The following ING1 variants were observed in gnomAD, a reference collection of about 807,000 sequenced individuals.
ING1 encodes the protein inhibitor of growth family member 1.
ING1 carries 4 observed loss-of-function variants against 23.1 expected under a neutral mutation model. The ratio of observed to expected loss-of-function variants is 0.17; its 90% confidence interval spans 0.09 to 0.40. ING1 has a LOEUF of 0.40. Among genes scored for constraint, ING1 ranks in the 10% least tolerant of loss-of-function variants. The pLI is 1.00. For synonymous variants in ING1, 179 were observed against 166.4 expected (o/e 1.08, Z -0.58); for missense variants, 256 against 393.8 (o/e 0.65, Z 2.96).
At position 110,714,000 on chromosome 13, in the gene ING1, C is replaced by G. The variant is rs1332919671; in HGVS notation, c.-150C>G. On this transcript the variant is annotated 5_prime_UTR_variant, in exon 1 of 2. Transcript: ENST00000333219. ...ACCCGGAGGCGGCGGACGGGCTCGG[C>G]AGATGTAGCCGCCGGGCCGAAGCAG... 2 of 1,153,658 alleles carry G rather than the reference C, an allele frequency of 1.7e-6. No homozygotes were observed. Among genetic ancestry groups the G allele is most frequent in the Non-Finnish European group, 2.1e-6 (2 of 937,186 alleles). The allele number at this position is 1,153,658 out of a possible 1,614,324, so 71.5% of individuals were successfully genotyped here.
chr13:110,713,445 A>C (rs2064062837), upstream of ING1: 2 of 993,888 alleles, frequency 2.0e-6, no homozygotes, highest in East Asian at 2.2e-4. Context: ...CTCCTAGTAA[A>C]GTTTGCGCCT....
Position 110,713,823 on chromosome 13 carries a change from G to A in ING1, c.-327G>A, listed in dbSNP as rs2064071267. ...AGTGGGCAGCGGCGGCCGCGGCGCT[G>A]GGCCCTCTCCCGCCGGTGTGTGCGC... On this transcript the variant is annotated 5_prime_UTR_variant, in exon 1 of 2. Transcript: ENST00000333219. 3 of 983,352 alleles carry A rather than the reference G, an allele frequency of 3.1e-6. No homozygotes were observed. The Admixed American group carries it at 1.9e-4, about 61-fold the overall frequency. 60.9% of individuals were successfully genotyped at this position (983,352 alleles called of 1,614,324 possible).
upstream of ING1, chr13:110,713,182 G>C (rs1215392734): frequency 7.0e-7 from 1 of 1,424,884 alleles, no homozygotes; most frequent in Non-Finnish European, 9.1e-7. Context: ...TCAAAGTGAT[G>C]TTGGCAAGTA....
upstream of ING1, chr13:110,713,447 T>G: frequency 1.0e-6 from 1 of 993,152 alleles, no homozygotes; most frequent in Non-Finnish European, 1.2e-6. Flanking sequence ...CCTAGTAAAG[T>G]TTGCGCCTCG....
In ING1 at chr13:110,721,352, C is replaced by T. The variant is rs1259206187; in HGVS notation, c.*1420C>T. The stretch of plus-strand genomic sequence containing the variant: ...TCTTGGCTCACCGCAACCTCCGCCT[C>T]CCAGGTTCAAGCGATTGTCCTGCCT... On this transcript the variant is annotated 3_prime_UTR_variant, in exon 2 of 2. Coordinates refer to ENST00000333219, the MANE Select transcript of ING1 (RefSeq NM_198219.3). 6.6e-6 allele frequency: 1 copy of T among 152,268 alleles called. No homozygotes were observed. Among genetic ancestry groups the T allele is most frequent in the African/African-American group, 2.4e-5 (1 of 41,428 alleles). The allele number at this position is 152,268 out of a possible 1,614,324, so 9.4% of individuals were successfully genotyped here.
At position 110,719,542 on chromosome 13, in the gene ING1, A is replaced by C. The variant is rs1189240246; in HGVS notation, c.450A>C (p.Ser150=). The change falls in exon 2 of 2, where the codon TCA becomes TCC. Residue 150 remains serine (S), a synonymous_variant. Transcript: ENST00000333219. This position sits in a 1 kb window ranked among gnomAD's most constrained non-coding sequence, Gnocchi z 8.9. ...CTGACAAGCCCAACAGCAAGCGCTC[A>C]CGGCGGCAGCGCAACAACGAGAACC... The part of the protein sequence containing the change: ...AQADKPNSKR[S]RRQRNNENRE... 9 of 1,610,224 alleles carry C rather than the reference A, an allele frequency of 5.6e-6. No homozygotes were observed. The Admixed American group carries it at 1.5e-4, about 27-fold the overall frequency.
intron 1 of ING1, among the ~76,000 whole-genome samples, chr13:110,714,777 C>T (rs890781972): frequency 1.2e-4 from 19 of 152,220 alleles, no homozygotes; most frequent in Non-Finnish European, 4.4e-5. Context: ...GCCCCCCACT[C>T]AGTCCCGAAT....
At chr13:110,713,071 C>A, upstream of ING1, 1 of 1,446,820 alleles carries the variant, frequency 6.9e-7, no homozygotes, top group Non-Finnish European at 9.1e-7. Context: ...GCCCGGCCCT[C>A]CCCTTCCTTC....
rs1224982552 is a variant in ING1 at position 110,714,094 on chromosome 13, G to T, written c.-56G>T. On this transcript the variant is annotated 5_prime_UTR_variant, in exon 1 of 2. Coordinates refer to ENST00000333219, the MANE Select transcript of ING1 (RefSeq NM_198219.3). ...GCAGTGCTATTTTTTGAGGGGGGCGGGGGGTGGAGGAAGCGGAAAGCCGCG... is the reference window on the plus strand; with the variant it reads ...GCAGTGCTATTTTTTGAGGGGGGCGTGGGGTGGAGGAAGCGGAAAGCCGCG... 3 of 1,488,250 alleles carry T rather than the reference G, an allele frequency of 2.0e-6. No individual in the cohort carries two copies. Among genetic ancestry groups the T allele is most frequent in the Admixed American group, 2.3e-5 (1 of 43,982 alleles). 92.2% of individuals were successfully genotyped at this position (1,488,250 alleles called of 1,614,324 possible). A position where few individuals can be genotyped will look rare whatever the true frequency, so the allele number is the denominator to read the frequency against.
rs1200596736 is a variant in ING1, at chr13:110,719,020, T to TTGTGG, written c.137-205_137-204insGTGTG. Among the ~76,000 whole-genome samples the TTGTGG allele has an allele frequency of 1.1e-4, 1 of 8,740 alleles. No individual in the cohort carries two copies. Among genetic ancestry groups the TTGTGG allele is most frequent in the Non-Finnish European group, 2.8e-4 (1 of 3,528 alleles). The allele number at this position is 8,740 out of a possible 152,430, so 5.7% of individuals were successfully genotyped here. A position where few individuals can be genotyped will look rare whatever the true frequency, so the allele number is the denominator to read the frequency against. ...GCCGCTGTGGAAGCTGGGCCGGCATTTGTGTTGTGTTGTGTTGTGTTGTGT... is the reference window on the plus strand; with the variant it reads ...GCCGCTGTGGAAGCTGGGCCGGCATTTGTGGTGTGTTGTGTTGTGTTGTGTTGTGT... On this transcript the variant is annotated intron_variant, in intron 1 of 1. Coordinates refer to ENST00000333219, the MANE Select transcript of ING1 (RefSeq NM_198219.3). This position sits in a 1 kb window ranked among gnomAD's most constrained non-coding sequence, Gnocchi z 8.9.
chr13:110,713,007 G>A (rs372639568), upstream of ING1: 10 of 1,533,822 alleles, frequency 6.5e-6, no homozygotes, highest in Non-Finnish European at 8.8e-6. Context: ...TGCGGCCGCA[G>A]CTCAAAGGAC....
intron 1 of ING1, among the ~76,000 whole-genome samples, chr13:110,717,921 C>T (rs2064137911): frequency 1.3e-5 from 2 of 152,192 alleles, no homozygotes; most frequent in African/African-American, 4.8e-5. Flanking sequence ...TTAATGGTTA[C>T]TGTTTGAGGA....
chr13:110,718,514 A>T (rs2064142452), intron 1 of ING1, among the ~76,000 whole-genome samples: 1 of 152,250 alleles, frequency 6.6e-6, no homozygotes, highest in South Asian at 2.1e-4. Context: ...GAGGGATAAC[A>T]TGCTAGAATA....
rs550205267 is a variant in ING1 at position 110,719,049 on chromosome 13, G to GTTGTGTTGTGTTGTA, written c.137-175_137-174insTTGTGTTGTATTGTG. On this transcript the variant is annotated intron_variant, in intron 1 of 1. Transcript: ENST00000333219. This position sits in a 1 kb window ranked among gnomAD's most constrained non-coding sequence, Gnocchi z 8.9. ...GTTGTGTTGTGTTGTGTTGTGTTGT[G>GTTGTGTTGTGTTGTA]TTGTGGTTAGCACAGGAACAGATAG... Among the ~76,000 whole-genome samples the GTTGTGTTGTGTTGTA allele has an allele frequency of 0.012, 1,836 of 152,128 alleles. 43 individuals are homozygous for GTTGTGTTGTGTTGTA. The highest frequency in any genetic ancestry group is 0.042 in the African/African-American group (1,740 of 41,486).
chr13:110,722,186 A>G lies in ING1; in HGVS notation c.*2254A>G, dbSNP rs905575862. The stretch of plus-strand genomic sequence containing the variant: ...ATATACTAAAATTTGAACTTTTTAC[A>G]TATCAATACTTACAAATAGGTGTTT... On this transcript the variant is annotated 3_prime_UTR_variant, in exon 2 of 2. Coordinates refer to ENST00000333219, the MANE Select transcript of ING1 (RefSeq NM_198219.3). The G allele has an allele frequency of 1.3e-5, 2 of 152,262 alleles. No homozygotes were observed. Among genetic ancestry groups the G allele is most frequent in the East Asian group, 1.9e-4 (1 of 5,206 alleles). 9.4% of individuals were successfully genotyped at this position (152,262 alleles called of 1,614,324 possible). A position where few individuals can be genotyped will look rare whatever the true frequency, so the allele number is the denominator to read the frequency against.
chr13:110,713,558 G>C (rs2289461), upstream of ING1: 682,030 of 985,864 alleles, frequency 0.69, 239,816 homozygotes, highest in East Asian at 0.86. Flanking sequence ...GGGCCGGCCT[G>C]GAGCCCGCAG....
At chr13:110,715,637 G>A in intron 1 of ING1, 1 of 1,613,744 alleles carries the variant, frequency 6.2e-7, no homozygotes, top group Non-Finnish European at 8.5e-7. Flanking sequence ...CTCCAGCCTT[G>A]GATTGGTTCT....
rs2064155705 is a variant in ING1 at position 110,719,643 on chromosome 13, C to T, written c.551C>T (p.Ser184Phe). 1.9e-6 allele frequency: 3 copies of T among 1,612,512 alleles called. No individual in the cohort carries two copies. The highest frequency in any genetic ancestry group is 2.5e-6 in the Non-Finnish European group (3 of 1,179,692). ...CCCAAGGAGAAGAAGGCCAAGACCT[C>T]CAAGAAGAAGAAGCGCTCCAAGGCC... ...GTPKEKKAKT[S>F]KKKKRSKAKA... The change falls in exon 2 of 2, where the codon TCC becomes TTC. Residue 184 changes from serine to phenylalanine, a missense_variant. Around this residue, in one of 3 missense-constraint regions of ING1, gnomAD observed 209 missense variants for 273.8 expected, o/e 0.76. Transcript: ENST00000333219. This position sits in a 1 kb window ranked among gnomAD's most constrained non-coding sequence, Gnocchi z 8.9.
chr13:110,715,888 T>C, intron 1 of ING1: 1 of 1,588,908 alleles, frequency 6.3e-7, no homozygotes, highest in Non-Finnish European at 8.5e-7. Flanking sequence ...CCCGGGCCTG[T>C]GGGCTCGGGG....
Sources: allele counts gnomAD v4.1 joint callset (sites outside exome capture counted in the v4.1 genomes callset), GRCh38; gene constraint gnomAD v4.1.1; regional missense constraint gnomAD v4.1.1; non-coding constraint Gnocchi (gnomAD v3.1); transcripts MANE v1.5; gene names NCBI Gene and HGNC (gene_info 2026-07-23, HGNC 2026-07-21).